Variants in SLC25A15 observed in about 807,000 individuals in gnomAD.
SLC25A15 encodes the protein solute carrier family 25 member 15.
SLC25A15 carries 24 observed loss-of-function variants against 32.3 expected under a neutral mutation model. The ratio of observed to expected loss-of-function variants is 0.74; its 90% CI spans 0.54 to 1.04. The LOEUF is 1.04. Among genes scored for constraint, SLC25A15 ranks in the 50% least tolerant of loss-of-function variants. SLC25A15 has a pLI of 0.00. For missense variants in SLC25A15, 317 were observed against 374.5 expected (o/e 0.85, Z 1.27); for synonymous variants, 132 against 142.1 (o/e 0.93, Z 0.51).
chr13:40,794,841 A>G (rs1881619927), intron 2 of SLC25A15, among the ~76,000 whole-genome samples: 1 of 147,634 alleles, frequency 6.8e-6, no homozygotes, highest in Non-Finnish European at 1.5e-5. Flanking sequence ...TGGTCACCTC[A>G]TCAGTCATTT....
In SLC25A15 at chr13:40,809,611, T is replaced by C. The variant is rs1376001064; in HGVS notation, c.850T>C (p.Phe284Leu). The C allele has an allele frequency of 2.5e-6, 4 of 1,612,166 alleles. No individual in the cohort carries two copies. The highest frequency in any genetic ancestry group is 1.7e-5 in the Admixed American group (1 of 59,984). Residue 284 changes from phenylalanine (F) to leucine (L), a missense_variant, in exon 7 of 7, where the codon TTT becomes CTT. By Grantham distance (22) the Phe-to-Leu change is conservative. Transcript: ENST00000338625. ...IRAFPANGAL[F>L]LAYEYSRKLM... ...AGCATTCCCTGCCAATGGAGCACTC[T>C]TTTTGGCCTACGAATATAGCAGGAA... is the stretch of plus-strand genomic sequence containing the variant.
chr13:40,804,745 T>C (rs1352235414), intron 3 of SLC25A15, among the ~76,000 whole-genome samples: 2 of 149,116 alleles, frequency 1.3e-5, no homozygotes, highest in Non-Finnish European at 3.0e-5. Context: ...AGAGACAGGG[T>C]TTCACCATGT....
intron 1 of SLC25A15, among the ~76,000 whole-genome samples, 155 bp from the exon 2 acceptor site, chr13:40,793,003 G>A (rs768095139): frequency 1.3e-5 from 2 of 152,204 alleles, no homozygotes; most frequent in Non-Finnish European, 2.9e-5. Flanking sequence ...GGAGGCAGTT[G>A]CTAAGCTGCA....
intron 3 of SLC25A15, among the ~76,000 whole-genome samples, chr13:40,801,464 T>C (rs1483350751): frequency 6.6e-6 from 1 of 152,068 alleles, no homozygotes; most frequent in Non-Finnish European, 1.5e-5. Context: ...TTACCTCTCT[T>C]AGGGATGGAA....
intron 1 of SLC25A15, among the ~76,000 whole-genome samples, chr13:40,790,693 T>G (rs982068435): frequency 3.9e-5 from 6 of 152,202 alleles, no homozygotes; most frequent in African/African-American, 1.4e-4. Context: ...GTTCAAGCTA[T>G]TCTCCTCCCT....
chr13:40,805,264 C>T lies in SLC25A15; in HGVS notation c.452+9C>T. On this transcript the variant is annotated intron_variant, in intron 4 of 6. Transcript: ENST00000338625. ...ATAGCCAAGAGCCAGAAGTAAGCAC[C>T]ACTTGGGCACAAACGTCAGGTCTCT... 6.2e-7 allele frequency: 1 copy of T among 1,614,076 alleles called. No individual in the cohort carries two copies. The highest frequency in any genetic ancestry group is 8.5e-7 in the Non-Finnish European group (1 of 1,180,000).
intron 2 of SLC25A15, among the ~76,000 whole-genome samples, chr13:40,795,060 TG>T (rs1390689641): frequency 1.3e-5 from 2 of 152,078 alleles, no homozygotes; most frequent in African/African-American, 4.8e-5. Context: ...GGAAGGCCAG[TG>T]GGGGTCTGCC....
chr13:40,797,941 G>A (rs1177099079), intron 2 of SLC25A15, among the ~76,000 whole-genome samples: 2 of 152,202 alleles, frequency 1.3e-5, no homozygotes, highest in Non-Finnish European at 2.9e-5. Flanking sequence ...TGGGGATGTT[G>A]TAGGGTGGTT....
intron 1 of SLC25A15, among the ~76,000 whole-genome samples, chr13:40,791,268 C>G (rs1881483008): frequency 6.7e-6 from 1 of 150,134 alleles, no homozygotes; most frequent in Non-Finnish European, 1.5e-5. Flanking sequence ...CTTTAGTTTG[C>G]CTTCTGGGAA....
chr13:40,796,228 AAAC>A (rs1404117197), intron 2 of SLC25A15, among the ~76,000 whole-genome samples: 1 of 152,128 alleles, frequency 6.6e-6, no homozygotes, highest in Non-Finnish European at 1.5e-5. Context: ...CTTTTCCTTT[AAAC>A]AACGTTTTCC....
At position 40,810,771 on chromosome 13, in the gene SLC25A15, T is replaced by C; in HGVS notation, c.*1104T>C. 1 of 534,768 alleles carries C rather than the reference T, an allele frequency of 1.9e-6. No individual in the cohort carries two copies. Among genetic ancestry groups the C allele is most frequent in the Non-Finnish European group, 3.8e-6 (1 of 260,092 alleles). The allele number at this position is 534,768 out of a possible 1,614,324, so 33.1% of individuals were successfully genotyped here. On this transcript the variant is annotated 3_prime_UTR_variant, in exon 7 of 7. Coordinates refer to ENST00000338625, the MANE Select transcript of SLC25A15 (RefSeq NM_014252.4). ...GAACTTCCCTTCTTGGGCTTTAGATTGAGGAAGGGGCTGAGTGGTAGGCGG... is the reference window on the plus strand; with the variant it reads ...GAACTTCCCTTCTTGGGCTTTAGATCGAGGAAGGGGCTGAGTGGTAGGCGG...
At chr13:40,800,940 A>C (rs1232584820) in intron 3 of SLC25A15, among the ~76,000 whole-genome samples, 1 of 152,198 alleles carries the variant, frequency 6.6e-6, no homozygotes, top group African/African-American at 2.4e-5. Context: ...TAGTTCATTA[A>C]AGATGCGTAA....
Position 40,799,057 on chromosome 13 carries a change from G to C in SLC25A15, c.56G>C (p.Gly19Ala), listed in dbSNP as rs1566121208. ...AAIDLTAGAA[G>A]GTACVLTGQP... ...GAGCAGTCATCTGTCCTGATTGCAGGAGGTACAGCATGTGTACTGACCGGG... is the reference window on the plus strand; with the variant it reads ...GAGCAGTCATCTGTCCTGATTGCAGCAGGTACAGCATGTGTACTGACCGGG... Residue 19 changes from glycine (G) to alanine (A), a missense_variant and splice_region_variant, in exon 3 of 7, where the codon GGA becomes GCA. Physicochemically the swap from Gly to Ala is moderately conservative, Grantham distance 60. Coordinates refer to ENST00000338625, the MANE Select transcript of SLC25A15 (RefSeq NM_014252.4). The C allele has an allele frequency of 6.2e-7, 1 of 1,614,188 alleles. No individual in the cohort carries two copies. The highest frequency in any genetic ancestry group is 1.7e-5 in the Admixed American group (1 of 60,014).
chr13:40,795,905 G>A (rs998280280), intron 2 of SLC25A15, among the ~76,000 whole-genome samples: 2 of 152,208 alleles, frequency 1.3e-5, no homozygotes, highest in Non-Finnish European at 2.9e-5. Flanking sequence ...CAGCAAGATG[G>A]TGTGAAGACA....
rs1428476268 is a variant in SLC25A15 at position 40,805,395 on chromosome 13, CT to C, written c.452+141del. The stretch of plus-strand genomic sequence containing the variant: ...AATATTGTTTCTAGAATGCTTTCCC[CT>C]ATCAGAGATTTTCTGAAAGGATTGG... On this transcript the variant is annotated intron_variant, in intron 4 of 6. Coordinates refer to ENST00000338625, the MANE Select transcript of SLC25A15 (RefSeq NM_014252.4). 1.4e-5 allele frequency: 14 copies of C among 1,031,138 alleles called. No individual in the cohort carries two copies. In the African/African-American group the frequency reaches 2.2e-4, roughly 16 times the overall value. The allele number at this position is 1,031,138 out of a possible 1,614,324, so 63.9% of individuals were successfully genotyped here. A position where few individuals can be genotyped will look rare whatever the true frequency, so the allele number is the denominator to read the frequency against.
rs907783864 is a variant in SLC25A15, at chr13:40,811,374, A to T, written c.*1707A>T. 6.6e-6 allele frequency among the ~76,000 whole-genome samples: 1 copy of T among 152,180 alleles called. No homozygotes were observed. Among genetic ancestry groups the T allele is most frequent in the South Asian group, 2.1e-4 (1 of 4,818 alleles). ...CGTGGTGGCACGTGCCTGTAATCCC[A>T]GCTACTCAGGAGGCTGAGGCAGGAG... On this transcript the variant is annotated 3_prime_UTR_variant, in exon 7 of 7. Coordinates refer to ENST00000338625, the MANE Select transcript of SLC25A15 (RefSeq NM_014252.4).
At chr13:40,790,477 C>T (rs1373918311) in intron 1 of SLC25A15, among the ~76,000 whole-genome samples, 1 of 152,194 alleles carries the variant, frequency 6.6e-6, no homozygotes, top group East Asian at 1.9e-4. Context: ...CTTCTCCAAG[C>T]CAGAGCTACA....
intron 3 of SLC25A15, among the ~76,000 whole-genome samples, chr13:40,801,581 G>A (rs1881892864): frequency 6.6e-6 from 1 of 152,170 alleles, no homozygotes; most frequent in Non-Finnish European, 1.5e-5. Flanking sequence ...ACAGTTGGGG[G>A]TCTGGAATAT....
At chr13:40,791,350 CTAT>C (rs1329447710) in intron 1 of SLC25A15, among the ~76,000 whole-genome samples, 2 of 136,644 alleles carry the variant, frequency 1.5e-5, no homozygotes, top group African/African-American at 2.9e-5. Flanking sequence ...TTTTTATTTT[CTAT>C]TATTATTATT....
Sources: gnomAD v4.1 joint callset for allele counts (sites outside exome capture counted in the v4.1 genomes callset) on GRCh38, gnomAD v4.1.1 for gene constraint, MANE v1.5 for transcripts, NCBI Gene and HGNC (gene_info 2026-07-23, HGNC 2026-07-21) for gene names.